Variants in RBFOX1 observed in about 807,000 individuals in gnomAD.
RBFOX1 encodes RNA binding protein fox-1 homolog 1.
In RBFOX1, 8 loss-of-function variants were observed where a neutral mutation model predicts 57.7. That is an observed-to-expected ratio of 0.14 (90% CI 0.08 to 0.25). RBFOX1 has a LOEUF of 0.25. Ranked by LOEUF, RBFOX1 falls within the 10% of genes least tolerant of loss-of-function variation. The probability of loss-of-function intolerance (pLI) is 1.00; values close to 1 mark genes in which losing one functional copy is unlikely to be tolerated. For missense variants in RBFOX1, 611 were observed against 548.5 expected, an observed-to-expected ratio of 1.11 and a Z score of -1.14; for synonymous variants, 326 against 222.4, an observed-to-expected ratio of 1.47 and a Z score of -4.15.
intron 4 of RBFOX1, among the ~76,000 whole-genome samples, chr16:7,289,945 G>A (rs2095733445): frequency 6.6e-6 from 1 of 152,104 alleles, no homozygotes; most frequent in Non-Finnish European, 1.5e-5. Context: ...TTATCAAGAA[G>A]GCAGGACAAG....
chr16:5,795,462 G>A (rs543642093), intron 3 of RBFOX1, among the ~76,000 whole-genome samples: 20 of 152,174 alleles, frequency 1.3e-4, no homozygotes, highest in East Asian at 3.9e-4. Flanking sequence ...ACCACCGTGC[G>A]TGGCTAAATT....
intron 4 of RBFOX1, among the ~76,000 whole-genome samples, chr16:7,185,002 C>G (rs775979066): frequency 5.3e-5 from 8 of 152,050 alleles, no homozygotes; most frequent in Non-Finnish European, 1.0e-4. Context: ...TAGGATAGCC[C>G]CACTTTGCCA....
intron 4 of RBFOX1, among the ~76,000 whole-genome samples, chr16:7,238,559 C>T (rs2093893511): frequency 6.6e-6 from 1 of 152,140 alleles, no homozygotes; most frequent in Non-Finnish European, 1.5e-5. Flanking sequence ...GGAAAGCCTA[C>T]TTCTGTGTTC....
chr16:6,442,826 T>G (rs2094412373), intron 2 of RBFOX1, among the ~76,000 whole-genome samples: 1 of 152,358 alleles, frequency 6.6e-6, no homozygotes, highest in Admixed American at 6.5e-5. Flanking sequence ...AGTAGTCAGA[T>G]TCATCTTTTA....
At chr16:6,008,199 T>C (rs1403581286) in intron 4 of RBFOX1, among the ~76,000 whole-genome samples, 1 of 148,716 alleles carries the variant, frequency 6.7e-6, no homozygotes, top group African/African-American at 2.5e-5. Flanking sequence ...AGTGAAACTG[T>C]ATCCCCCCCA....
At chr16:5,338,634 G>A (rs1288242876) in intron 1 of RBFOX1, among the ~76,000 whole-genome samples, 1 of 152,178 alleles carries the variant, frequency 6.6e-6, no homozygotes, top group East Asian at 1.9e-4. Context: ...AAAAGATTTT[G>A]AAAGTTTTAC....
intron 2 of RBFOX1, among the ~76,000 whole-genome samples, chr16:6,480,050 G>GAC (rs1555494336): frequency 1.7e-5 from 2 of 119,728 alleles, no homozygotes; most frequent in East Asian, 2.4e-4. Context: ...ACTCCACCTC[G>GAC]AAAAAAAAAA....
At chr16:7,318,064 A>AATGG (rs2096478094) in intron 4 of RBFOX1, among the ~76,000 whole-genome samples, 1 of 151,174 alleles carries the variant, frequency 6.6e-6, no homozygotes, top group Non-Finnish European at 1.5e-5. Flanking sequence ...GTGAATGGTG[A>AATGG]CGGTGGTAGT....
chr16:5,553,441 G>C (rs35872296), intron 2 of RBFOX1, among the ~76,000 whole-genome samples: 50,700 of 151,232 alleles, frequency 0.34, 8,893 homozygotes, highest in Admixed American at 0.37. Flanking sequence ...TCAGCCTCCC[G>C]AGTAGCTGGG....
intron 3 of RBFOX1, among the ~76,000 whole-genome samples, chr16:5,811,652 T>A (rs983327606): frequency 6.6e-6 from 1 of 152,118 alleles, no homozygotes; most frequent in African/African-American, 2.4e-5. Context: ...GGTTTCACGA[T>A]GTTGGCCTGG....
intron 3 of RBFOX1, among the ~76,000 whole-genome samples, chr16:6,872,463 G>A (rs964641023): frequency 1.3e-5 from 2 of 152,054 alleles, no homozygotes; most frequent in African/African-American, 4.8e-5. Flanking sequence ...TTAGGAAACA[G>A]CTGAATTAGC....
intron 3 of RBFOX1, among the ~76,000 whole-genome samples, chr16:6,765,114 G>C (rs1030423938): frequency 3.5e-4 from 53 of 152,086 alleles, no homozygotes; most frequent in African/African-American, 1.2e-3. Flanking sequence ...GCTCTAGGCT[G>C]ATGGAACAGC....
At chr16:6,640,983 T>A (rs188919358) in intron 2 of RBFOX1, among the ~76,000 whole-genome samples, 10 of 152,314 alleles carry the variant, frequency 6.6e-5, no homozygotes, top group Admixed American at 3.9e-4. Flanking sequence ...GCTTTCTTTT[T>A]AGAAGGAACC....
intron 1 of RBFOX1, among the ~76,000 whole-genome samples, chr16:6,210,361 C>G: frequency 1.6e-5 from 1 of 61,466 alleles, no homozygotes; most frequent in South Asian, 8.1e-4. Context: ...AAAAAAACAC[C>G]AAAAAAAAAA....
intron 4 of RBFOX1, among the ~76,000 whole-genome samples, chr16:7,159,373 C>G (rs1303702382): frequency 6.6e-6 from 1 of 152,044 alleles, no homozygotes; most frequent in Non-Finnish European, 1.5e-5. Context: ...GCTTGGCTTA[C>G]ATGTATGTGC....
At chr16:5,837,563 G>A (rs1287765803) in intron 3 of RBFOX1, among the ~76,000 whole-genome samples, 1 of 151,236 alleles carries the variant, frequency 6.6e-6, no homozygotes, top group Non-Finnish European at 1.5e-5. Flanking sequence ...GCAGGAGGAG[G>A]TGGAAAAGCA....
intron 2 of RBFOX1, among the ~76,000 whole-genome samples, chr16:6,493,450 G>C (rs778291615): frequency 6.6e-6 from 1 of 152,168 alleles, no homozygotes; most frequent in Admixed American, 6.5e-5. Flanking sequence ...GTGTGTGTTT[G>C]TCAGGGACCG....
At chr16:6,796,735 T>C (rs1443782888) in intron 3 of RBFOX1, among the ~76,000 whole-genome samples, 1 of 152,234 alleles carries the variant, frequency 6.6e-6, no homozygotes, top group East Asian at 1.9e-4. Context: ...TACACATTTA[T>C]GATCCTAAAC....
chr16:7,362,281 T>C (rs1032696214), intron 4 of RBFOX1, among the ~76,000 whole-genome samples: 1 of 140,632 alleles, frequency 7.1e-6, no homozygotes, highest in African/African-American at 2.7e-5. Flanking sequence ...GTGTGTATGT[T>C]AGTATGTGTA....
Sources: gnomAD v4.1 joint callset for allele counts (sites outside exome capture counted in the v4.1 genomes callset) on GRCh38, gnomAD v4.1.1 for gene constraint, MANE v1.5 for transcripts, NCBI Gene and HGNC (gene_info 2026-07-23, HGNC 2026-07-21) for gene names.